The following CNTNAP5 variants were observed in gnomAD, a reference collection of about 807,000 sequenced individuals.
CNTNAP5 encodes contactin associated protein family member 5.
A neutral mutation model predicts 150.2 loss-of-function variants in CNTNAP5; 72 were observed. That is an observed-to-expected ratio of 0.48 (90% CI 0.40 to 0.58). The LOEUF (loss-of-function observed/expected upper bound fraction) is 0.58. Among genes scored for constraint, CNTNAP5 ranks in the 20% least tolerant of loss-of-function variants. The pLI is 0.00. For missense variants in CNTNAP5, 1,636 were observed against 1,626.2 expected, an observed-to-expected ratio of 1.01 and a Z score of -0.10; for synonymous variants, 672 against 619.8, an observed-to-expected ratio of 1.08 and a Z score of -1.25.
At chr2:124,111,239 T>C (rs1046175272) in intron 1 of CNTNAP5, among the ~76,000 whole-genome samples, 6 of 152,022 alleles carry the variant, frequency 3.9e-5, no homozygotes, top group Non-Finnish European at 7.4e-5. Context: ...GAGGAGGAAC[T>C]CTTGAGAGTT....
intron 12 of CNTNAP5, among the ~76,000 whole-genome samples, chr2:124,646,267 C>T (rs1031652463): frequency 2.0e-5 from 3 of 152,200 alleles, no homozygotes; most frequent in African/African-American, 7.2e-5. Context: ...ACCAAGGGCA[C>T]CCAAGTGGCC....
At chr2:124,760,547 T>C (rs1037394015) in intron 14 of CNTNAP5, among the ~76,000 whole-genome samples, 3 of 152,136 alleles carry the variant, frequency 2.0e-5, no homozygotes, top group African/African-American at 7.2e-5. Flanking sequence ...ACTAATTCTG[T>C]ACCATACCCT....
At chr2:124,773,793 G>C (rs930432049) in intron 17 of CNTNAP5, among the ~76,000 whole-genome samples, 4 of 152,064 alleles carry the variant, frequency 2.6e-5, no homozygotes, top group African/African-American at 9.7e-5. Flanking sequence ...GTTTCACAGA[G>C]AAGAGAGCAT....
intron 1 of CNTNAP5, among the ~76,000 whole-genome samples, chr2:124,058,550 C>T (rs1182742871): frequency 6.6e-6 from 1 of 152,090 alleles, no homozygotes; most frequent in Non-Finnish European, 1.5e-5. Context: ...TCAAGTGTAT[C>T]AATCCCTCTC....
intron 1 of CNTNAP5, among the ~76,000 whole-genome samples, chr2:124,173,947 A>T (rs76710835): frequency 0.055 from 8,420 of 152,196 alleles, 441 homozygotes; most frequent in East Asian, 0.24. Context: ...CATTGAAACC[A>T]ATGCTCATTT....
intron 13 of CNTNAP5, among the ~76,000 whole-genome samples, chr2:124,732,180 T>C (rs1028149180): frequency 6.6e-6 from 1 of 152,136 alleles, no homozygotes; most frequent in Admixed American, 6.6e-5. Flanking sequence ...GAGCTCAAGA[T>C]AAAATGTTGA....
intron 12 of CNTNAP5, among the ~76,000 whole-genome samples, chr2:124,627,577 G>T (rs1268149222): frequency 6.8e-6 from 1 of 147,950 alleles, no homozygotes; most frequent in East Asian, 2.0e-4. Flanking sequence ...TCACCCTCAA[G>T]ATCAAAGGTA....
chr2:124,407,675 A>C (rs1379983587), intron 3 of CNTNAP5, among the ~76,000 whole-genome samples: 1 of 152,204 alleles, frequency 6.6e-6, no homozygotes, highest in Non-Finnish European at 1.5e-5. Flanking sequence ...TTTAATAAAT[A>C]ATTCTTTTTA....
chr2:124,461,958 G>T (rs1296271073), intron 6 of CNTNAP5, among the ~76,000 whole-genome samples: 2 of 150,276 alleles, frequency 1.3e-5, no homozygotes, highest in African/African-American at 4.9e-5. Context: ...AGGAAATAAA[G>T]TTCACTAAGA....
At chr2:124,647,242 A>G (rs569867908) in intron 12 of CNTNAP5, among the ~76,000 whole-genome samples, 1 of 152,326 alleles carries the variant, frequency 6.6e-6, no homozygotes, top group East Asian at 1.9e-4. Flanking sequence ...CCCTACAATT[A>G]ACTTCATTGC....
intron 12 of CNTNAP5, among the ~76,000 whole-genome samples, chr2:124,639,871 T>C (rs945814342): frequency 2.0e-5 from 3 of 152,142 alleles, no homozygotes; most frequent in Admixed American, 6.5e-5. Flanking sequence ...CTTTTCTCCT[T>C]TTCCTTTGCC....
chr2:124,131,075 C>T (rs1415142945), intron 1 of CNTNAP5, among the ~76,000 whole-genome samples: 1 of 152,032 alleles, frequency 6.6e-6, no homozygotes, highest in African/African-American at 2.4e-5. Context: ...TCTAGTTAGC[C>T]AGTTTTCATT....
At chr2:124,097,075 A>G (rs1682955547) in intron 1 of CNTNAP5, among the ~76,000 whole-genome samples, 1 of 152,140 alleles carries the variant, frequency 6.6e-6, no homozygotes, top group South Asian at 2.1e-4. Context: ...AACATGACCT[A>G]TTCCTAGTAA....
intron 20 of CNTNAP5, among the ~76,000 whole-genome samples, chr2:124,867,373 T>C (rs1677655180): frequency 1.3e-5 from 2 of 152,166 alleles, no homozygotes; most frequent in Non-Finnish European, 2.9e-5. Flanking sequence ...CCCTACCTTT[T>C]TCTTATACCC....
chr2:124,159,273 G>A (rs528886669), intron 1 of CNTNAP5, among the ~76,000 whole-genome samples: 10 of 152,208 alleles, frequency 6.6e-5, no homozygotes, highest in Admixed American at 3.9e-4. Context: ...AAGTATTCTT[G>A]TTCTTAAACC....
chr2:124,713,279 T>TCTTTC (rs1679858361), intron 13 of CNTNAP5, among the ~76,000 whole-genome samples: 4 of 128,426 alleles, frequency 3.1e-5, no homozygotes, highest in South Asian at 3.0e-4. Context: ...CTTTCTTTCT[T>TCTTTC]TCTTTCTTTC....
At chr2:124,734,266 G>A (rs941081782) in intron 13 of CNTNAP5, among the ~76,000 whole-genome samples, 5 of 152,094 alleles carry the variant, frequency 3.3e-5, no homozygotes, top group African/African-American at 7.2e-5. Context: ...CACAGAGAGA[G>A]AGAGAGAGAA....
intron 1 of CNTNAP5, among the ~76,000 whole-genome samples, chr2:124,191,886 G>A (rs956120184): frequency 5.9e-5 from 9 of 151,386 alleles, no homozygotes; most frequent in Admixed American, 1.3e-4. Context: ...GCAACAGAGC[G>A]AGACTCCATC....
intron 1 of CNTNAP5, among the ~76,000 whole-genome samples, chr2:124,125,079 A>G (rs1039394314): frequency 3.9e-5 from 6 of 152,206 alleles, no homozygotes; most frequent in Non-Finnish European, 7.3e-5. Context: ...CCTTACATGT[A>G]AATGGGCTAA....
Sources: gnomAD v4.1 joint callset for allele counts (sites outside exome capture counted in the v4.1 genomes callset) on GRCh38, gnomAD v4.1.1 for gene constraint, MANE v1.5 for transcripts, NCBI Gene and HGNC (gene_info 2026-07-23, HGNC 2026-07-21) for gene names.